PTPN4: variants seen among roughly 807,000 people sequenced by gnomAD.
The protein encoded by PTPN4 is protein tyrosine phosphatase non-receptor type 4.
A neutral mutation model predicts 135.5 loss-of-function variants in PTPN4; 49 were observed. That is an observed-to-expected ratio of 0.36 (90% CI 0.29 to 0.46). The LOEUF is 0.46. Ranked by LOEUF, PTPN4 falls within the 20% of genes least tolerant of loss-of-function variation. PTPN4 has a pLI of 1.00. For synonymous variants in PTPN4, 333 were observed against 369.9 expected, an observed-to-expected ratio of 0.90 and a Z score of 1.14; for missense variants, 860 against 1,101.0, an observed-to-expected ratio of 0.78 and a Z score of 3.10.
rs534903674 is a variant in PTPN4 at position 119,929,903 on chromosome 2, T to C, written c.1071-2521T>C. On this transcript the variant is annotated intron_variant, in intron 13 of 26. Coordinates refer to ENST00000263708, the MANE Select transcript of PTPN4 (RefSeq NM_002830.4). ...TTAGAAAATGAAAGTAGTTGATCTA[T>C]TGATTACAGTTAGTGAACTTTCATA... Among the ~76,000 whole-genome samples the C allele has an allele frequency of 3.9e-5, 6 of 152,312 alleles. No homozygotes were observed. In the East Asian group the frequency reaches 7.7e-4, roughly 20 times the overall value.
intron 10 of PTPN4, among the ~76,000 whole-genome samples, chr2:119,903,314 C>G (rs566889718): frequency 7.2e-5 from 11 of 152,174 alleles, no homozygotes; most frequent in Non-Finnish European, 1.6e-4. Context: ...AGCACACCTT[C>G]CAGGGACATT....
In PTPN4 at chr2:119,960,877, C is replaced by G; in HGVS notation, c.2204C>G (p.Thr735Arg). 3 of 1,613,932 alleles carry G rather than the reference C, an allele frequency of 1.9e-6. No individual in the cohort carries two copies. The highest frequency in any genetic ancestry group is 8.5e-7 in the Non-Finnish European group (1 of 1,179,910). Residue 735 changes from threonine to arginine, a missense_variant, in exon 23 of 27, where the codon ACA becomes AGA. Thr to Arg is a moderately conservative substitution (Grantham distance 71, BLOSUM62 -1). Around this residue, in one of 2 missense-constraint regions of PTPN4, gnomAD observed 176 missense variants for 294.1 expected, o/e 0.60. Transcript: ENST00000263708. ...CAAGGGCCATTACCACACACTTGTA[C>G]AGATTTTTGGCAGATGACTTGGGAA... ...ACQGPLPHTC[T>R]DFWQMTWEQG...
chr2:119,824,666 A>G (rs1677121566), intron 2 of PTPN4, among the ~76,000 whole-genome samples: 1 of 152,092 alleles, frequency 6.6e-6, no homozygotes, highest in Non-Finnish European at 1.5e-5. Flanking sequence ...TGACTCCTTT[A>G]TTATTATGTA....
At chr2:119,766,076 G>A (rs1469933820) in intron 1 of PTPN4, among the ~76,000 whole-genome samples, 1 of 152,146 alleles carries the variant, frequency 6.6e-6, no homozygotes, top group South Asian at 2.1e-4. Flanking sequence ...CAGTGTTTCG[G>A]AGAGCAAGAT....
intron 26 of PTPN4, among the ~76,000 whole-genome samples, chr2:119,970,544 A>G (rs1679516780): frequency 1.3e-5 from 2 of 152,134 alleles, no homozygotes; most frequent in South Asian, 4.1e-4. Context: ...GACCTTTTAT[A>G]TGAATGAGAT....
intron 26 of PTPN4, among the ~76,000 whole-genome samples, chr2:119,974,826 T>C (rs1679590040): frequency 6.6e-6 from 1 of 152,232 alleles, no homozygotes; most frequent in African/African-American, 2.4e-5. Context: ...ACATTTATCA[T>C]AGGTTAATGC....
At chr2:119,788,424 T>C (rs552977282) in intron 1 of PTPN4, among the ~76,000 whole-genome samples, 1 of 152,302 alleles carries the variant, frequency 6.6e-6, no homozygotes, top group East Asian at 1.9e-4. Context: ...AAATTGTTTT[T>C]AATCGAGGTA....
intron 2 of PTPN4, among the ~76,000 whole-genome samples, chr2:119,828,024 C>T (rs1677169993): frequency 6.6e-6 from 1 of 152,220 alleles, no homozygotes; most frequent in South Asian, 2.1e-4. Context: ...CCCTTTGTGG[C>T]TCCCAGTCAT....
chr2:119,899,220 C>CT lies in PTPN4; in HGVS notation c.676-1495dup, dbSNP rs139276005. Among the ~76,000 whole-genome samples the CT allele has an allele frequency of 3.5e-3, 534 of 152,300 alleles. 3 individuals carry two copies. The highest frequency in any genetic ancestry group is 0.013 in the African/African-American group (521 of 41,570). ...ATTGCTGTTTTAGACAGGCTTCACA[C>CT]TTTCATTTCCTATAGTTGAATCCAG... On this transcript the variant is annotated intron_variant, in intron 9 of 26. Transcript: ENST00000263708.
At chr2:119,919,960 A>T in intron 11 of PTPN4, 109 bp from the exon 12 acceptor site, 5 of 1,406,040 alleles carry the variant, frequency 3.6e-6, no homozygotes, top group Non-Finnish European at 4.7e-6. Context: ...TATCATTAAC[A>T]AGTTCATGTT....
chr2:119,946,759 A>T, intron 18 of PTPN4, 185 bp downstream of exon 18: 1 of 498,730 alleles, frequency 2.0e-6, no homozygotes. Context: ...TAAGTATTTA[A>T]AATCCCTGTT....
chr2:119,915,749 G>C (rs1678643987), intron 11 of PTPN4: 1 of 152,078 alleles, frequency 6.6e-6, no homozygotes, highest in Admixed American at 6.6e-5. Context: ...ATTTCATCTT[G>C]TTAATGATTT....
Position 119,980,659 on chromosome 2 carries a change from A to G in PTPN4, c.*3589A>G, listed in dbSNP as rs1423425968. The G allele has an allele frequency of 2.6e-5, 4 of 152,062 alleles. No homozygotes were observed. Among genetic ancestry groups the G allele is most frequent in the African/African-American group, 7.2e-5 (3 of 41,430 alleles). The allele number at this position is 152,062 out of a possible 1,614,324, so 9.4% of individuals were successfully genotyped here. ...TCCAGTAGAGAAGCATACTCAGCCA[A>G]TGTTTTCACTTAATAACTATGACAA... is the stretch of plus-strand genomic sequence containing the variant. On this transcript the variant is annotated 3_prime_UTR_variant, in exon 27 of 27. Transcript: ENST00000263708.
At chr2:119,966,384 G>A (rs1345305085) in intron 25 of PTPN4, among the ~76,000 whole-genome samples, 1 of 152,042 alleles carries the variant, frequency 6.6e-6, no homozygotes, top group Non-Finnish European at 1.5e-5. Context: ...TCAGCCCCCG[G>A]AGTAGCTAGA....
intron 1 of PTPN4, among the ~76,000 whole-genome samples, chr2:119,807,143 C>T (rs967974928): frequency 2.0e-5 from 3 of 152,140 alleles, no homozygotes; most frequent in Non-Finnish European, 2.9e-5. Context: ...CTAAAATCGA[C>T]ACCCTAACAT....
intron 25 of PTPN4, 151 bp downstream of exon 25, chr2:119,965,796 C>T: frequency 1.2e-6 from 1 of 863,208 alleles, no homozygotes; most frequent in South Asian, 2.1e-5. Context: ...AGGATATGTT[C>T]TAACATATGA....
chr2:119,760,186 G>T lies in PTPN4; in HGVS notation c.-216G>T, dbSNP rs1223528883. The T allele has an allele frequency of 1.3e-5, 5 of 394,490 alleles. No individual in the cohort carries two copies. Among genetic ancestry groups the T allele is most frequent in the Non-Finnish European group, 2.2e-5 (5 of 223,548 alleles). 24.4% of individuals were successfully genotyped at this position (394,490 alleles called of 1,614,324 possible). On this transcript the variant is annotated 5_prime_UTR_variant, in exon 1 of 27. Transcript: ENST00000263708. The stretch of plus-strand genomic sequence containing the variant: ...CCCGCCTCCCTGCCACCTCCCCAGC[G>T]GCGCCGGCCCGCGGCTGCCCAGCAG...
At chr2:119,962,774 A>G in intron 24 of PTPN4, 30 bp downstream of exon 24, 3 of 1,506,134 alleles carry the variant, frequency 2.0e-6, no homozygotes, top group Non-Finnish European at 2.7e-6. Flanking sequence ...GTTCATTAGA[A>G]CTGTTGTGTT....
intron 2 of PTPN4, among the ~76,000 whole-genome samples, chr2:119,824,683 T>C (rs1270389033): frequency 6.6e-6 from 1 of 152,210 alleles, no homozygotes; most frequent in African/African-American, 2.4e-5. Flanking sequence ...TGTAAGGAGT[T>C]GAATATAAAC....
Sources: gnomAD v4.1 joint callset for allele counts (sites outside exome capture counted in the v4.1 genomes callset) on GRCh38, gnomAD v4.1.1 for gene constraint, gnomAD v4.1.1 regional missense constraint, MANE v1.5 for transcripts, NCBI Gene and HGNC (gene_info 2026-07-23, HGNC 2026-07-21) for gene names.